The following ADCY2 variants were observed in gnomAD, a reference collection of about 807,000 sequenced individuals.
ADCY2 encodes adenylate cyclase type 2.
Under a neutral mutation model 125.2 loss-of-function variants are expected in ADCY2, and 31 were observed. The ratio of observed to expected loss-of-function variants is 0.25; its 90% CI spans 0.19 to 0.33. ADCY2 has a LOEUF of 0.33. Among genes scored for constraint, ADCY2 ranks in the 10% least tolerant of loss-of-function variants. The probability of loss-of-function intolerance (pLI) is 1.00; values close to 1 mark genes in which losing one functional copy is unlikely to be tolerated. For missense variants in ADCY2, 904 were observed against 1,418.2 expected, an observed-to-expected ratio of 0.64 and a Z score of 5.82; for synonymous variants, 512 against 548.4, an observed-to-expected ratio of 0.93 and a Z score of 0.93.
At chr5:7,699,905 G>T (rs1317176144) in intron 7 of ADCY2, among the ~76,000 whole-genome samples, 3 of 152,170 alleles carry the variant, frequency 2.0e-5, no homozygotes, top group Non-Finnish European at 4.4e-5. Context: ...GTTACTATGA[G>T]CCTTAGACTA....
intron 18 of ADCY2, among the ~76,000 whole-genome samples, chr5:7,776,025 G>T (rs149001900): frequency 6.6e-6 from 1 of 152,062 alleles, no homozygotes; most frequent in Non-Finnish European, 1.5e-5. Context: ...CCTGTTTTAC[G>T]TAACCCTGTG....
intron 3 of ADCY2, among the ~76,000 whole-genome samples, chr5:7,565,689 T>C (rs901536974): frequency 6.6e-6 from 1 of 152,202 alleles, no homozygotes; most frequent in East Asian, 1.9e-4. Context: ...TAGACCAGTA[T>C]CTGCCAAATG....
intron 4 of ADCY2, among the ~76,000 whole-genome samples, chr5:7,636,962 G>A (rs1305115747): frequency 6.6e-6 from 1 of 152,164 alleles, no homozygotes; most frequent in African/African-American, 2.4e-5. Context: ...GCCAAGAAAT[G>A]CCGCGGGGTT....
At chr5:7,784,548 C>A in intron 19 of ADCY2, 99 bp downstream of exon 19, 6 of 837,064 alleles carry the variant, frequency 7.2e-6, no homozygotes, top group East Asian at 2.6e-5. Context: ...TGGAAACAAA[C>A]GTCTAAGAAT....
rs576033296 is a variant in ADCY2, at chr5:7,655,846, C to G, written c.720+29530C>G. 9.7e-4 allele frequency among the ~76,000 whole-genome samples: 147 copies of G among 152,322 alleles called. 1 individual carries two copies. Among genetic ancestry groups the G allele is most frequent in the South Asian group, 2.1e-3 (10 of 4,824 alleles). ...GAAGCAAAACAAAGCCCTCACCCATCTGCATCTGATCACCTTTTGAAACAC... is the reference window on the plus strand; with the variant it reads ...GAAGCAAAACAAAGCCCTCACCCATGTGCATCTGATCACCTTTTGAAACAC... On this transcript the variant is annotated intron_variant, in intron 4 of 24. Transcript: ENST00000338316.
intron 2 of ADCY2, among the ~76,000 whole-genome samples, chr5:7,448,021 T>C (rs943349301): frequency 2.6e-5 from 4 of 152,118 alleles, no homozygotes; most frequent in Non-Finnish European, 5.9e-5. Context: ...TGAAGAGGCC[T>C]CCCAAATATC....
At chr5:7,671,850 A>C (rs1739946869) in intron 4 of ADCY2, among the ~76,000 whole-genome samples, 1 of 152,156 alleles carries the variant, frequency 6.6e-6, no homozygotes, top group Non-Finnish European at 1.5e-5. Context: ...CTTCTACAGC[A>C]AGAAAGATAT....
intron 14 of ADCY2, among the ~76,000 whole-genome samples, chr5:7,741,728 T>TCAC (rs1742426950): frequency 2.4e-4 from 1 of 4,214 alleles, no homozygotes; most frequent in African/African-American, 9.9e-4. Context: ...ATCACTATCA[T>TCAC]CATCACCATC....
intron 3 of ADCY2, among the ~76,000 whole-genome samples, chr5:7,534,051 C>T (rs2126550319): frequency 6.6e-6 from 1 of 152,322 alleles, no homozygotes; most frequent in Non-Finnish European, 1.5e-5. Context: ...AGTCCAGCCT[C>T]CTGAGTCTCC....
intron 1 of ADCY2, among the ~76,000 whole-genome samples, chr5:7,412,107 T>G (rs926644330): frequency 4.6e-5 from 7 of 152,148 alleles, no homozygotes; most frequent in African/African-American, 1.7e-4. Flanking sequence ...GGAAAGCTCT[T>G]ACAGGTCATT....
chr5:7,505,511 C>G (rs934868618), intron 2 of ADCY2, among the ~76,000 whole-genome samples: 4 of 152,142 alleles, frequency 2.6e-5, no homozygotes, highest in Non-Finnish European at 5.9e-5. Context: ...GCGACCATCC[C>G]CCTGATGGGT....
rs143227108 is a variant in ADCY2 at position 7,414,753 on chromosome 5, G to A, written c.391G>A (p.Val131Ile). 20 of 1,609,944 alleles carry A rather than the reference G, an allele frequency of 1.2e-5. No homozygotes were observed. Among genetic ancestry groups the A allele is most frequent in the African/African-American group, 5.4e-5 (4 of 74,718 alleles). Residue 131 changes from valine to isoleucine, a missense_variant, in exon 2 of 25, where the codon GTC (valine) becomes ATC (isoleucine). Val to Ile is a conservative substitution (Grantham distance 29, BLOSUM62 3). Around this residue, in one of 7 missense-constraint regions of ADCY2, gnomAD observed 121 missense variants for 161.5 expected, o/e 0.75. Transcript: ENST00000338316. ...GYLFMCFGGT[V>I]SPWDQVSFFL... ...CCTGTTCATGTGTTTTGGAGGCACCGTCTCTCCCTGGGACCAGGTAAGGTG... is the reference window on the plus strand; with the variant it reads ...CCTGTTCATGTGTTTTGGAGGCACCATCTCTCCCTGGGACCAGGTAAGGTG...
At chr5:7,790,184 C>T (rs1744210129) in intron 20 of ADCY2, among the ~76,000 whole-genome samples, 1 of 150,340 alleles carries the variant, frequency 6.7e-6, no homozygotes. Flanking sequence ...AATGGAGGCT[C>T]AAACCAAGAG....
At chr5:7,725,425 A>G (rs1741900233) in intron 13 of ADCY2, among the ~76,000 whole-genome samples, 1 of 152,190 alleles carries the variant, frequency 6.6e-6, no homozygotes, top group African/African-American at 2.4e-5. Flanking sequence ...AATATTAAAT[A>G]TGATAATTCC....
intron 2 of ADCY2, among the ~76,000 whole-genome samples, chr5:7,507,133 C>T (rs1434866566): frequency 6.6e-6 from 1 of 151,128 alleles, no homozygotes; most frequent in East Asian, 2.0e-4. Flanking sequence ...CGAAAGGGAG[C>T]CAGGGAGAGG....
At chr5:7,522,048 A>C (rs181038779) in intron 3 of ADCY2, among the ~76,000 whole-genome samples, 1 of 152,308 alleles carries the variant, frequency 6.6e-6, no homozygotes, top group Admixed American at 6.5e-5. Context: ...TGCCTTTGAC[A>C]CATGCTAGGA....
intron 4 of ADCY2, among the ~76,000 whole-genome samples, chr5:7,667,697 T>G (rs1158611696): frequency 6.6e-6 from 1 of 152,216 alleles, no homozygotes; most frequent in Non-Finnish European, 1.5e-5. Context: ...AACTAAATTT[T>G]CATTGCCTTT....
chr5:7,826,680 T>C, intron 24 of ADCY2, 39 bp from the exon 25 acceptor site: 1 of 1,614,000 alleles, frequency 6.2e-7, no homozygotes, highest in Non-Finnish European at 8.5e-7. Flanking sequence ...TATCAATGTA[T>C]GTACTAAGCC....
intron 3 of ADCY2, among the ~76,000 whole-genome samples, chr5:7,552,110 A>G (rs1417376214): frequency 1.3e-5 from 2 of 152,206 alleles, no homozygotes; most frequent in Admixed American, 1.3e-4. Flanking sequence ...AGACCTATCG[A>G]TTGGAAAGAG....
Sources: gnomAD v4.1 joint callset for allele counts (sites outside exome capture counted in the v4.1 genomes callset) on GRCh38, gnomAD v4.1.1 for gene constraint, gnomAD v4.1.1 regional missense constraint, MANE v1.5 for transcripts, NCBI Gene and HGNC (gene_info 2026-07-23, HGNC 2026-07-21) for gene names.